NALCN: variants seen among roughly 807,000 people sequenced by gnomAD.
NALCN encodes the protein sodium leak channel, non-selective.
Under a neutral mutation model 225.3 loss-of-function variants are expected in NALCN, and 111 were observed. The ratio of observed to expected loss-of-function variants is 0.49; its 90% confidence interval spans 0.42 to 0.58. NALCN has a LOEUF of 0.58. Among genes scored for constraint, NALCN ranks in the 20% least tolerant of loss-of-function variants. NALCN has a pLI of 0.00. For missense variants in NALCN, 1,378 were observed against 2,202.4 expected (o/e 0.63, Z 7.49); for synonymous variants, 764 against 769.0 (o/e 0.99, Z 0.11).
At chr13:101,325,080 C>A (rs890518554) in intron 7 of NALCN, among the ~76,000 whole-genome samples, 1 of 152,152 alleles carries the variant, frequency 6.6e-6, no homozygotes, top group East Asian at 1.9e-4. Flanking sequence ...CCTGTCTGTT[C>A]ATAGCTTCTC....
intron 7 of NALCN, among the ~76,000 whole-genome samples, chr13:101,322,534 C>T (rs1160767599): frequency 2.0e-5 from 3 of 152,054 alleles, no homozygotes; most frequent in Non-Finnish European, 4.4e-5. Flanking sequence ...ATCTGGTTAA[C>T]GTTTGATGTG....
At chr13:101,345,499 C>T in intron 6 of NALCN, 79 bp from the exon 7 acceptor site, 2 of 1,502,196 alleles carry the variant, frequency 1.3e-6, no homozygotes. Context: ...AATTACCCTT[C>T]ATTAATATCT....
intron 12 of NALCN, among the ~76,000 whole-genome samples, chr13:101,231,355 T>C (rs1464468384): frequency 6.6e-6 from 1 of 152,182 alleles, no homozygotes; most frequent in Admixed American, 6.5e-5. Context: ...GTTGGACAAA[T>C]AGGATTCAAT....
intron 7 of NALCN, among the ~76,000 whole-genome samples, chr13:101,307,855 C>T (rs1365389721): frequency 2.0e-5 from 3 of 152,082 alleles, no homozygotes; most frequent in Non-Finnish European, 4.4e-5. Flanking sequence ...GAGTTCTAAC[C>T]AAAATCCGAT....
chr13:101,410,690 C>A (rs73567912), intron 1 of NALCN, among the ~76,000 whole-genome samples: 3,261 of 152,224 alleles, frequency 0.021, 107 homozygotes, highest in East Asian at 0.11. Flanking sequence ...TGGAAGTAAT[C>A]TCATGTGAAT....
At chr13:101,350,159 C>A (rs1165498224) in intron 6 of NALCN, among the ~76,000 whole-genome samples, 3 of 152,156 alleles carry the variant, frequency 2.0e-5, no homozygotes, top group Non-Finnish European at 4.4e-5. Context: ...TATGGAGAGA[C>A]CCTTCATAAT....
intron 15 of NALCN, among the ~76,000 whole-genome samples, chr13:101,161,913 C>T (rs1268941545): frequency 1.3e-5 from 2 of 152,008 alleles, no homozygotes; most frequent in Non-Finnish European, 1.5e-5. Context: ...ATGACCTTAC[C>T]GTGTTTCTCA....
chr13:101,222,791 A>G (rs145394425), intron 13 of NALCN, among the ~76,000 whole-genome samples: 2,391 of 152,306 alleles, frequency 0.016, 60 homozygotes, highest in African/African-American at 0.047. Flanking sequence ...GAGCGGGGCT[A>G]TCTCACAGTT....
intron 20 of NALCN, among the ~76,000 whole-genome samples, chr13:101,109,239 T>C (rs112313803): frequency 1.3e-5 from 2 of 152,308 alleles, no homozygotes; most frequent in South Asian, 4.1e-4. Flanking sequence ...TATGTTGGAT[T>C]TGATGGCAAT....
chr13:101,360,230 C>CTCTCTCTCTCTCT (rs59300252), intron 6 of NALCN, among the ~76,000 whole-genome samples: 9 of 124,592 alleles, frequency 7.2e-5, no homozygotes, highest in Non-Finnish European at 1.2e-4. Context: ...CTCTCTCTCT[C>CTCTCTCTCTCTCT]CTTCCTTCCT....
intron 7 of NALCN, among the ~76,000 whole-genome samples, chr13:101,340,226 C>G (rs2045513116): frequency 6.6e-6 from 1 of 151,920 alleles, no homozygotes; most frequent in Non-Finnish European, 1.5e-5. Context: ...CAAAATTGTG[C>G]CACTGCACTC....
chr13:101,147,496 C>G (rs1048603810), intron 15 of NALCN, among the ~76,000 whole-genome samples: 2 of 152,002 alleles, frequency 1.3e-5, no homozygotes, highest in Non-Finnish European at 2.9e-5. Context: ...GCATGCACCA[C>G]CACACCTGGC....
intron 37 of NALCN, among the ~76,000 whole-genome samples, chr13:101,070,324 C>T: frequency 6.6e-6 from 1 of 152,268 alleles, no homozygotes; most frequent in East Asian, 1.9e-4. Context: ...CCTTGACCTC[C>T]CAAAGTGCTA....
At chr13:101,282,460 T>C (rs1014813957) in intron 10 of NALCN, among the ~76,000 whole-genome samples, 3 of 152,052 alleles carry the variant, frequency 2.0e-5, no homozygotes, top group Non-Finnish European at 4.4e-5. Flanking sequence ...AAAAGTCAAA[T>C]TCATTGAAGC....
chr13:101,177,122 C>A (rs1172811615), intron 14 of NALCN, among the ~76,000 whole-genome samples: 1 of 152,166 alleles, frequency 6.6e-6, no homozygotes, highest in South Asian at 2.1e-4. Flanking sequence ...CTCCTGCCAA[C>A]AGCCACTGGA....
At chr13:101,279,279 T>C (rs969520030) in intron 10 of NALCN, among the ~76,000 whole-genome samples, 17 of 152,214 alleles carry the variant, frequency 1.1e-4, no homozygotes, top group Non-Finnish European at 1.9e-4. Context: ...GGAAGTGGTG[T>C]AGGAAGAGGA....
At chr13:101,185,039 T>TCAATGTCC (rs2039391779) in intron 14 of NALCN, among the ~76,000 whole-genome samples, 1 of 152,192 alleles carries the variant, frequency 6.6e-6, no homozygotes. Flanking sequence ...ACAGCAGGAA[T>TCAATGTCC]CAATGTCCCA....
In NALCN at chr13:101,258,303, C is replaced by A. The variant is rs1594544184; in HGVS notation, c.1266+140G>T. The stretch of plus-strand genomic sequence containing the variant: ...GGCCACACTGTGACCAGAGGAACCA[C>A]TTAAGAAGCAGACAATGATTCAGCT... On this transcript the variant is annotated intron_variant, in intron 11 of 43. Transcript: ENST00000251127. 2.3e-6 allele frequency: 3 copies of A among 1,291,700 alleles called. No individual in the cohort carries two copies. In the East Asian group the frequency reaches 7.7e-5, roughly 33 times the overall value. The allele number at this position is 1,291,700 out of a possible 1,614,324, so 80.0% of individuals were successfully genotyped here.
intron 7 of NALCN, among the ~76,000 whole-genome samples, chr13:101,323,653 A>G (rs1287337661): frequency 1.3e-5 from 2 of 152,246 alleles, no homozygotes; most frequent in African/African-American, 4.8e-5. Flanking sequence ...TCAACATAGT[A>G]AGCTCAATTA....
Sources: gnomAD v4.1 joint callset for allele counts (sites outside exome capture counted in the v4.1 genomes callset) on GRCh38, gnomAD v4.1.1 for gene constraint, MANE v1.5 for transcripts, NCBI Gene and HGNC (gene_info 2026-07-23, HGNC 2026-07-21) for gene names.